PALM2AKAP2: variants seen among roughly 807,000 people sequenced by gnomAD.
PALM2AKAP2 encodes PALM2-AKAP2 fusion protein.
PALM2AKAP2 carries 37 observed loss-of-function variants against 71.5 expected under a neutral mutation model. The observed-to-expected ratio is 0.52, with a 90% CI of 0.40 to 0.68. PALM2AKAP2 has a LOEUF of 0.68. PALM2AKAP2 is among the 30% of genes least tolerant of loss of function. The pLI is 0.00. For synonymous variants in PALM2AKAP2, 468 were observed against 478.8 expected (o/e 0.98, Z 0.29); for missense variants, 1,224 against 1,191.8 (o/e 1.03, Z -0.40).
chr9:109,935,174 A>T lies in PALM2AKAP2; in HGVS notation c.496+3146A>T, dbSNP rs142699186. ...CCTCAACAAGTTTTGAATGTAGAAAACCCTCTTCTCTATTGTTAGGGTCTT... is the reference window on the plus strand; with the variant it reads ...CCTCAACAAGTTTTGAATGTAGAAATCCCTCTTCTCTATTGTTAGGGTCTT... On this transcript the variant is annotated intron_variant, in intron 6 of 9. Transcript: ENST00000302798. Among the ~76,000 whole-genome samples, 226 of 152,048 alleles carry T rather than the reference A, an allele frequency of 1.5e-3. 1 individual carries two copies. Among genetic ancestry groups the T allele is most frequent in the Middle Eastern group, 6.8e-3 (2 of 294 alleles).
chr9:110,136,915 C>T lies in PALM2AKAP2; in HGVS notation c.945C>T (p.Ile315=), dbSNP rs754274266. Residue 315 remains isoleucine (I), a synonymous_variant, in exon 2 of 4, where the codon ATC becomes ATT. Transcript: ENST00000374525. Reference sequence around the variant, plus strand: ...TGGAAAAGGAGAGGAGAGAGCTCATCCGCAGCCAGGCCGTCAAGAAGAATC... The same window carrying T: ...TGGAAAAGGAGAGGAGAGAGCTCATTCGCAGCCAGGCCGTCAAGAAGAATC... The T allele has an allele frequency of 1.4e-5, 23 of 1,614,038 alleles. No homozygotes were observed. In the East Asian group the frequency reaches 4.7e-4, roughly 33 times the overall value.
chr9:110,015,727 C>T (rs1374409360), intron 6 of PALM2AKAP2, among the ~76,000 whole-genome samples: 1 of 152,196 alleles, frequency 6.6e-6, no homozygotes, highest in Non-Finnish European at 1.5e-5. Flanking sequence ...AGGATTTAGA[C>T]AATGGATCCT....
At chr9:110,034,052 T>C (rs1338698729) in intron 7 of PALM2AKAP2, among the ~76,000 whole-genome samples, 1 of 152,206 alleles carries the variant, frequency 6.6e-6, no homozygotes, top group Admixed American at 6.5e-5. Context: ...TCTGCCTTCA[T>C]TCCTAGCATT....
chr9:109,952,688 A>G (rs1304496071), intron 6 of PALM2AKAP2, among the ~76,000 whole-genome samples: 1 of 152,236 alleles, frequency 6.6e-6, no homozygotes, highest in Non-Finnish European at 1.5e-5. Context: ...TGTCAGATTC[A>G]TCTTACACAG....
chr9:109,942,303 A>C (rs1222832345), intron 6 of PALM2AKAP2, among the ~76,000 whole-genome samples: 2 of 152,210 alleles, frequency 1.3e-5, no homozygotes, highest in Non-Finnish European at 2.9e-5. Context: ...CCTGGAACAC[A>C]TTTTAACCAA....
intron 1 of PALM2AKAP2, among the ~76,000 whole-genome samples, chr9:110,050,535 G>A (rs144747528): frequency 3.3e-5 from 5 of 152,266 alleles, no homozygotes; most frequent in Admixed American, 3.3e-4. Context: ...TAAAGACTTG[G>A]CCTAAAGAGT....
chr9:109,758,019 T>G (rs1828991565), intron 1 of PALM2AKAP2, among the ~76,000 whole-genome samples: 1 of 152,044 alleles, frequency 6.6e-6, no homozygotes, highest in Admixed American at 6.6e-5. Flanking sequence ...CAAACCCTAA[T>G]ACCAGTTGGT....
At chr9:110,091,459 CTT>C (rs66848294) in intron 1 of PALM2AKAP2, among the ~76,000 whole-genome samples, 5 of 83,656 alleles carry the variant, frequency 6.0e-5, no homozygotes, top group African/African-American at 2.6e-4. Context: ...GAGATTTATT[CTT>C]TTTTTTTTTT....
intron 1 of PALM2AKAP2, among the ~76,000 whole-genome samples, chr9:109,813,413 T>TCTAGAGGCC (rs144703388): frequency 1.3e-5 from 2 of 152,124 alleles, no homozygotes; most frequent in South Asian, 4.1e-4. Context: ...CAACAATCTG[T>TCTAGAGGCC]AACGGCCTCT....
chr9:109,885,321 GAA>G (rs1829941111), intron 3 of PALM2AKAP2, among the ~76,000 whole-genome samples: 1 of 152,144 alleles, frequency 6.6e-6, no homozygotes, highest in African/African-American at 2.4e-5. Context: ...AGGAAGGATG[GAA>G]AAATGTAACT....
intron 1 of PALM2AKAP2, among the ~76,000 whole-genome samples, chr9:109,798,016 G>T (rs771224820): frequency 6.6e-6 from 1 of 152,212 alleles, no homozygotes; most frequent in Non-Finnish European, 1.5e-5. Flanking sequence ...GAGGCTAGAA[G>T]TCTGAAATCA....
intron 1 of PALM2AKAP2, among the ~76,000 whole-genome samples, chr9:109,664,978 C>T (rs757065511): frequency 9.2e-5 from 14 of 152,140 alleles, no homozygotes; most frequent in Non-Finnish European, 8.8e-5. Context: ...ATTGAATCGG[C>T]TATTGAAGCT....
chr9:109,964,218 C>G (rs1022141230), intron 6 of PALM2AKAP2, among the ~76,000 whole-genome samples: 2 of 152,260 alleles, frequency 1.3e-5, no homozygotes, highest in Admixed American at 6.5e-5. Flanking sequence ...GCAGCCCTAC[C>G]AGTTCCCATT....
At chr9:109,760,613 C>A (rs1397961259) in intron 1 of PALM2AKAP2, 2 of 152,128 alleles carry the variant, frequency 1.3e-5, no homozygotes. Context: ...CTTCCTCTTC[C>A]CCAAATTCTA....
chr9:109,690,021 T>TTTC (rs563296245), intron 1 of PALM2AKAP2, among the ~76,000 whole-genome samples: 9 of 151,774 alleles, frequency 5.9e-5, no homozygotes, highest in African/African-American at 1.9e-4. Flanking sequence ...TTTTTTTTTT[T>TTTC]CCTCTTAAAC....
At position 109,930,345 on chromosome 9, in the gene PALM2AKAP2, C is replaced by G. The variant is rs1460850332; in HGVS notation, c.395-1582C>G. Among the ~76,000 whole-genome samples, 3 of 152,230 alleles carry G rather than the reference C, an allele frequency of 2.0e-5. No homozygotes were observed. In the South Asian group the frequency reaches 6.2e-4, roughly 32 times the overall value. On this transcript the variant is annotated intron_variant, in intron 5 of 9. Coordinates refer to the PALM2AKAP2 transcript ENST00000302798. Reference sequence around the variant, plus strand: ...GGTTCAAGCGATCCTCCTGCCTCAGCCCCTCTAGTAGCTGGGACTACAGGT... The same window carrying G: ...GGTTCAAGCGATCCTCCTGCCTCAGGCCCTCTAGTAGCTGGGACTACAGGT...
At chr9:109,641,283 C>A (rs778934343) in intron 1 of PALM2AKAP2, among the ~76,000 whole-genome samples, 4 of 152,206 alleles carry the variant, frequency 2.6e-5, no homozygotes, top group African/African-American at 9.6e-5. Context: ...GGATCGGAAG[C>A]AAACGCGGTT....
intron 6 of PALM2AKAP2, chr9:109,946,803 T>C (rs922881948): frequency 1.3e-5 from 2 of 151,114 alleles, no homozygotes; most frequent in East Asian, 1.9e-4. Context: ...AGATTTTCAA[T>C]GGCATTTAAT....
chr9:109,821,289 A>G (rs927621951), intron 1 of PALM2AKAP2, among the ~76,000 whole-genome samples: 2 of 152,204 alleles, frequency 1.3e-5, no homozygotes, highest in Non-Finnish European at 2.9e-5. Context: ...TATGTAACAA[A>G]CCTGCACATT....
Sources: gnomAD v4.1 joint callset for allele counts (sites outside exome capture counted in the v4.1 genomes callset) on GRCh38, gnomAD v4.1.1 for gene constraint, MANE v1.5 for transcripts, NCBI Gene and HGNC (gene_info 2026-07-23, HGNC 2026-07-21) for gene names.